Variants in BMPR1A observed in about 807,000 individuals in gnomAD.
BMPR1A encodes the protein bone morphogenetic protein receptor type-1A.
A neutral mutation model predicts 66.0 loss-of-function variants in BMPR1A; 7 were observed. That is an observed-to-expected ratio of 0.11 (90% CI 0.06 to 0.20). BMPR1A has a LOEUF of 0.20. BMPR1A is among the 10% of genes least tolerant of loss of function. The pLI, the probability that BMPR1A is intolerant of heterozygous loss-of-function variation, is 1.00. For synonymous variants in BMPR1A, 200 were observed against 229.7 expected, an observed-to-expected ratio of 0.87 and a Z score of 1.17; for missense variants, 408 against 669.1, an observed-to-expected ratio of 0.61 and a Z score of 4.31.
At chr10:86,772,620 G>A (rs182981081) in intron 1 of BMPR1A, among the ~76,000 whole-genome samples, 1 of 152,104 alleles carries the variant, frequency 6.6e-6, no homozygotes, top group Non-Finnish European at 1.5e-5. Context: ...CATCTGTGGG[G>A]CAGTTTTTGG....
At chr10:86,829,009 C>T (rs1325002343) in intron 1 of BMPR1A, among the ~76,000 whole-genome samples, 2 of 152,014 alleles carry the variant, frequency 1.3e-5, no homozygotes, top group Non-Finnish European at 2.9e-5. Flanking sequence ...TTGCGGGTGC[C>T]ACAGATTGGC....
At chr10:86,791,683 T>TCCTTCCTTCCTCCCCCCCCCCCTC (rs1283624885) in intron 1 of BMPR1A, among the ~76,000 whole-genome samples, 2 of 89,708 alleles carry the variant, frequency 2.2e-5, no homozygotes, top group East Asian at 6.0e-4. Context: ...CTTCTTTACT[T>TCCTTCCTTCCTCCCCCCCCCCCTC]CCTTCCTCCC....
intron 3 of BMPR1A, among the ~76,000 whole-genome samples, chr10:86,889,172 G>A (rs1486616222): frequency 6.6e-6 from 1 of 152,164 alleles, no homozygotes; most frequent in East Asian, 1.9e-4. Flanking sequence ...GAAAGATTTA[G>A]TACCAAATAT....
intron 2 of BMPR1A, among the ~76,000 whole-genome samples, chr10:86,850,852 C>CA (rs1340819779): frequency 2.0e-5 from 3 of 152,060 alleles, no homozygotes; most frequent in Non-Finnish European, 4.4e-5. Context: ...CTTATATGTT[C>CA]AGGAAATATA....
intron 1 of BMPR1A, among the ~76,000 whole-genome samples, chr10:86,763,791 T>TA (rs11374547): frequency 4.4e-5 from 2 of 45,192 alleles, no homozygotes; most frequent in Non-Finnish European, 9.3e-5. Context: ...TGGATAGTTG[T>TA]TTTTTTTTTT....
chr10:86,806,944 A>G (rs559837818), intron 1 of BMPR1A, among the ~76,000 whole-genome samples: 1 of 151,120 alleles, frequency 6.6e-6, no homozygotes, highest in African/African-American at 2.4e-5. Context: ...TGGCCTTGTC[A>G]TTTTTTCTTC....
intron 2 of BMPR1A, among the ~76,000 whole-genome samples, chr10:86,869,319 G>A (rs1223887416): frequency 2.0e-5 from 3 of 151,940 alleles, no homozygotes; most frequent in African/African-American, 4.8e-5. Flanking sequence ...TTAGCTGGAC[G>A]TGGTGGTGCG....
At chr10:86,882,111 A>G (rs1243780388) in intron 3 of BMPR1A, among the ~76,000 whole-genome samples, 1 of 152,136 alleles carries the variant, frequency 6.6e-6, no homozygotes. Flanking sequence ...AAGAAGGGCC[A>G]TGAATTCATC....
chr10:86,758,977 T>G (rs1840982774), intron 1 of BMPR1A, among the ~76,000 whole-genome samples: 1 of 152,256 alleles, frequency 6.6e-6, no homozygotes, highest in Non-Finnish European at 1.5e-5. Context: ...CTCATGGAGC[T>G]TAAAGTCTAG....
intron 2 of BMPR1A, among the ~76,000 whole-genome samples, chr10:86,840,714 T>A (rs1842415088): frequency 6.6e-6 from 1 of 152,182 alleles, no homozygotes; most frequent in Admixed American, 6.5e-5. Flanking sequence ...TCATGAGCTC[T>A]GCACCCGCTA....
chr10:86,868,778 G>GTCTTTTTTTTTT (rs572972222), intron 2 of BMPR1A, among the ~76,000 whole-genome samples: 5 of 141,046 alleles, frequency 3.5e-5, no homozygotes, highest in Non-Finnish European at 1.5e-5. Context: ...CTTTTCCTGT[G>GTCTTTTTTTTTT]TTTTTTTTTT....
In BMPR1A at chr10:86,875,944, T is replaced by G; in HGVS notation, c.-75T>G. The G allele has an allele frequency of 8.2e-7, 1 of 1,216,430 alleles. No homozygotes were observed. The highest frequency in any genetic ancestry group is 1.2e-6 in the Non-Finnish European group (1 of 822,340). The allele number at this position is 1,216,430 out of a possible 1,614,324, so 75.4% of individuals were successfully genotyped here. A position where few individuals can be genotyped will look rare whatever the true frequency, so the allele number is the denominator to read the frequency against. On this transcript the variant is annotated 5_prime_UTR_variant, in exon 3 of 13. Coordinates refer to ENST00000372037, the MANE Select transcript of BMPR1A (RefSeq NM_004329.3). ...TTTACAAGAAAATCTCACTGAATGA[T>G]AGTCATTTAAATTGGTGAAGTAGCA...
chr10:86,769,609 G>A (rs1841219351), intron 1 of BMPR1A, among the ~76,000 whole-genome samples: 2 of 152,186 alleles, frequency 1.3e-5, no homozygotes, highest in South Asian at 2.1e-4. Flanking sequence ...CACAAGTTGG[G>A]GGGAGAAGGA....
chr10:86,893,220 C>T (rs776364390), intron 5 of BMPR1A, among the ~76,000 whole-genome samples: 5 of 152,026 alleles, frequency 3.3e-5, no homozygotes, highest in Middle Eastern at 3.4e-3. Context: ...ACTGCAAACT[C>T]TAGGGTAACC....
Position 86,906,640 on chromosome 10 carries a change from C to T in BMPR1A, c.531-5600C>T, listed in dbSNP as rs1415886510. Among the ~76,000 whole-genome samples, 11 of 71,808 alleles carry T rather than the reference C, an allele frequency of 1.5e-4. 5 individuals carry two copies. In the South Asian group the frequency reaches 2.8e-3, roughly 18 times the overall value. 47.1% of individuals were successfully genotyped at this position (71,808 alleles called of 152,430 possible). On this transcript the variant is annotated intron_variant, in intron 7 of 12. Transcript: ENST00000372037. ...TCGGGAGGCTGAGGCAGGAGGATGG[C>T]GTGAATCCGGGAGGCGGAGCTTGCA...
chr10:86,878,780 C>G (rs1842951378), intron 3 of BMPR1A, among the ~76,000 whole-genome samples: 1 of 152,138 alleles, frequency 6.6e-6, no homozygotes, highest in Non-Finnish European at 1.5e-5. Context: ...TACTGGAAAA[C>G]AGAGAAACAG....
intron 2 of BMPR1A, among the ~76,000 whole-genome samples, chr10:86,869,137 G>A (rs573084588): frequency 6.6e-6 from 1 of 151,950 alleles, no homozygotes; most frequent in Non-Finnish European, 1.5e-5. Context: ...ATATTTTATC[G>A]TTAGATATTA....
At chr10:86,785,760 T>C (rs2132736280) in intron 1 of BMPR1A, among the ~76,000 whole-genome samples, 1 of 152,350 alleles carries the variant, frequency 6.6e-6, no homozygotes, top group Non-Finnish European at 1.5e-5. Context: ...GTTTTTTCTT[T>C]CAATTCTGTC....
intron 3 of BMPR1A, among the ~76,000 whole-genome samples, chr10:86,888,052 G>T (rs1258291604): frequency 2.0e-5 from 3 of 152,060 alleles, no homozygotes; most frequent in Admixed American, 1.3e-4. Flanking sequence ...AGATCCAACG[G>T]AAGCCTTGAC....
Sources: allele counts gnomAD v4.1 joint callset (sites outside exome capture counted in the v4.1 genomes callset), GRCh38; gene constraint gnomAD v4.1.1; transcripts MANE v1.5; gene names NCBI Gene and HGNC (gene_info 2026-07-23, HGNC 2026-07-21).